Variants in FSTL4 observed in about 807,000 individuals in gnomAD.
FSTL4 encodes follistatin like 4, also known as follistatin-related protein 4.
FSTL4 carries 28 observed loss-of-function variants against 78.2 expected under a neutral mutation model. The observed-to-expected ratio is 0.36, with a 90% CI of 0.27 to 0.49. The LOEUF (loss-of-function observed/expected upper bound fraction) is 0.49. Among genes scored for constraint, FSTL4 ranks in the 20% least tolerant of loss-of-function variants. The pLI, the probability that FSTL4 is intolerant of heterozygous loss-of-function variation, is 0.98. For synonymous variants in FSTL4, 422 were observed against 440.5 expected (o/e 0.96, Z 0.53); for missense variants, 922 against 1,084.9 (o/e 0.85, Z 2.11).
At chr5:133,425,281 A>C (rs867712207) in intron 3 of FSTL4, among the ~76,000 whole-genome samples, 28 of 152,184 alleles carry the variant, frequency 1.8e-4, no homozygotes, top group Non-Finnish European at 3.5e-4. Flanking sequence ...GCTGCTCTCA[A>C]GCTGTTTGAA....
intron 3 of FSTL4, among the ~76,000 whole-genome samples, chr5:133,520,965 ATGTGGG>A (rs1758968073): frequency 6.6e-6 from 1 of 152,158 alleles, no homozygotes; most frequent in African/African-American, 2.4e-5. Context: ...GTAAGGAAAG[ATGTGGG>A]TTCGAAGTCC....
intron 3 of FSTL4, among the ~76,000 whole-genome samples, chr5:133,560,644 G>A (rs148140865): frequency 0.013 from 1,916 of 152,062 alleles, 19 homozygotes; most frequent in African/African-American, 0.029. Context: ...GATTACAGGC[G>A]TGAGCCACCG....
chr5:133,639,719 A>G, the FSTL4 span, among the ~76,000 whole-genome samples: 1 of 152,156 alleles, frequency 6.6e-6, no homozygotes, highest in African/African-American at 2.4e-5. Context: ...TTCTCTCTCT[A>G]CCACGTTACC....
the FSTL4 span, among the ~76,000 whole-genome samples, chr5:133,730,455 C>T: frequency 6.6e-6 from 1 of 152,146 alleles, no homozygotes; most frequent in African/African-American, 2.4e-5. Context: ...GCACATTGCC[C>T]TCTGAGGCCT....
chr5:133,268,102 A>C (rs1278130950), intron 6 of FSTL4, among the ~76,000 whole-genome samples: 2 of 152,246 alleles, frequency 1.3e-5, no homozygotes, highest in African/African-American at 4.8e-5. Context: ...GTCACAACTC[A>C]AGCTTTAAAG....
the FSTL4 span, among the ~76,000 whole-genome samples, chr5:133,708,997 C>G: frequency 1.6e-3 from 246 of 152,324 alleles, no homozygotes; most frequent in Non-Finnish European, 2.1e-3. Context: ...CAATAAATAT[C>G]ACCTATTATG....
intron 3 of FSTL4, among the ~76,000 whole-genome samples, chr5:133,470,434 G>A (rs1255530189): frequency 6.6e-6 from 1 of 152,208 alleles, no homozygotes; most frequent in East Asian, 1.9e-4. Flanking sequence ...GCAAGAAAGT[G>A]TGCTTGAAAA....
At chr5:133,307,252 T>A (rs1427422044) in intron 6 of FSTL4, among the ~76,000 whole-genome samples, 2 of 152,174 alleles carry the variant, frequency 1.3e-5, no homozygotes, top group Admixed American at 1.3e-4. Flanking sequence ...TGGGGCTTGG[T>A]GGAGGAAAGA....
upstream of FSTL4, among the ~76,000 whole-genome samples, chr5:133,614,995 A>G (rs985794013): frequency 2.2e-5 from 3 of 134,102 alleles, no homozygotes; most frequent in Non-Finnish European, 5.1e-5. Flanking sequence ...CAAAAACACA[A>G]CAATATAATG....
At chr5:133,229,406 C>T (rs764535025) in intron 8 of FSTL4, among the ~76,000 whole-genome samples, 12 of 151,978 alleles carry the variant, frequency 7.9e-5, no homozygotes, top group Non-Finnish European at 1.8e-4. Flanking sequence ...GCCTGTAATC[C>T]CAGCTACTTG....
intron 6 of FSTL4, among the ~76,000 whole-genome samples, chr5:133,292,220 C>T (rs1346391446): frequency 6.6e-6 from 1 of 152,226 alleles, no homozygotes; most frequent in Non-Finnish European, 1.5e-5. Context: ...GAAAACAAGT[C>T]CACCTTGCCA....
chr5:133,828,860 G>A, the FSTL4 span, among the ~76,000 whole-genome samples: 676 of 152,326 alleles, frequency 4.4e-3, 3 homozygotes, highest in African/African-American at 0.014. Context: ...AATACGAAGT[G>A]CTTGCTTCAC....
intron 3 of FSTL4, among the ~76,000 whole-genome samples, chr5:133,451,690 A>T (rs1757387007): frequency 6.6e-6 from 1 of 152,218 alleles, no homozygotes; most frequent in South Asian, 2.1e-4. Flanking sequence ...TCCGTGGAAC[A>T]CTTTGCTGGG....
chr5:133,379,076 AAG>A (rs1755507901), intron 4 of FSTL4, among the ~76,000 whole-genome samples: 1 of 152,158 alleles, frequency 6.6e-6, no homozygotes, highest in Non-Finnish European at 1.5e-5. Context: ...AGCATGGAAA[AAG>A]AAACTATAAG....
intron 6 of FSTL4, among the ~76,000 whole-genome samples, chr5:133,309,277 GAGA>G (rs1386134163): frequency 3.3e-5 from 5 of 152,202 alleles, no homozygotes; most frequent in Non-Finnish European, 5.9e-5. Flanking sequence ...GGCACTGCTG[GAGA>G]AGGACACTGA....
intron 3 of FSTL4, among the ~76,000 whole-genome samples, chr5:133,431,429 C>A (rs909892106): frequency 6.6e-6 from 1 of 152,224 alleles, no homozygotes; most frequent in Non-Finnish European, 1.5e-5. Flanking sequence ...GGAACACTCA[C>A]TCTTAGACCC....
the FSTL4 span, among the ~76,000 whole-genome samples, chr5:133,755,148 T>A: frequency 1.3e-5 from 2 of 152,108 alleles, no homozygotes; most frequent in African/African-American, 4.8e-5. Context: ...TCTCTACCCA[T>A]CACTCCCTCC....
At chr5:133,407,877 T>C (rs887146374) in intron 3 of FSTL4, among the ~76,000 whole-genome samples, 1 of 152,178 alleles carries the variant, frequency 6.6e-6, no homozygotes, top group Non-Finnish European at 1.5e-5. Context: ...GTTAAAGCTG[T>C]GTTTGCTTTC....
the FSTL4 span, among the ~76,000 whole-genome samples, chr5:133,702,532 G>A: frequency 1.3e-5 from 2 of 152,132 alleles, no homozygotes; most frequent in Non-Finnish European, 2.9e-5. Flanking sequence ...GGAGCAAGAG[G>A]GGTGAGTGGG....
Sources: allele counts gnomAD v4.1 joint callset (sites outside exome capture counted in the v4.1 genomes callset), GRCh38; gene constraint gnomAD v4.1.1; transcripts MANE v1.5; gene names NCBI Gene and HGNC (gene_info 2026-07-23, HGNC 2026-07-21).